Variants in NCOA7 observed in about 807,000 individuals in gnomAD.
The protein encoded by NCOA7 is nuclear receptor coactivator 7, also known as 140 kDa estrogen receptor-associated protein.
In NCOA7, 45 loss-of-function variants were observed where a neutral mutation model predicts 104.3. The observed-to-expected ratio is 0.43, with a 90% CI of 0.34 to 0.55. NCOA7 has a LOEUF of 0.55. Ranked by LOEUF, NCOA7 falls within the 20% of genes least tolerant of loss-of-function variation. The pLI, the probability that NCOA7 is intolerant of heterozygous loss-of-function variation, is 0.02. For missense variants in NCOA7, 1,041 were observed against 1,119.7 expected, an observed-to-expected ratio of 0.93 and a Z score of 1.00; for synonymous variants, 398 against 402.3, an observed-to-expected ratio of 0.99 and a Z score of 0.13.
In NCOA7 at chr6:125,901,959, A is replaced by G. The variant is rs192456232; in HGVS notation, c.2096+11149A>G. On this transcript the variant is annotated intron_variant, in intron 10 of 15. Coordinates refer to ENST00000392477, the MANE Select transcript of NCOA7 (RefSeq NM_181782.5). ...CCCGACCAAACTTCTCTCTGACTGT[A>G]TTCTCCAATGTCCAGCTGCCTCTTT... is the stretch of plus-strand genomic sequence containing the variant. Among the ~76,000 whole-genome samples, 445 of 152,248 alleles carry G rather than the reference A, an allele frequency of 2.9e-3. 3 individuals carry two copies. The highest frequency in any genetic ancestry group is 5.1e-3 in the Non-Finnish European group (349 of 68,018).
chr6:125,839,538 A>G (rs1583341232), intron 2 of NCOA7, among the ~76,000 whole-genome samples: 1 of 152,190 alleles, frequency 6.6e-6, no homozygotes, highest in South Asian at 2.1e-4. Context: ...GCTAGACCCC[A>G]TCTAGAAGCT....
chr6:125,816,261 A>G (rs1438373149), intron 2 of NCOA7, among the ~76,000 whole-genome samples: 1 of 152,204 alleles, frequency 6.6e-6, no homozygotes, highest in East Asian at 1.9e-4. Flanking sequence ...TTAGGTTGAT[A>G]ATGGGAAAAG....
At chr6:125,826,466 C>A (rs1778668923) in intron 2 of NCOA7, among the ~76,000 whole-genome samples, 1 of 151,740 alleles carries the variant, frequency 6.6e-6, no homozygotes, top group Admixed American at 6.6e-5. Context: ...CATAGGAAAA[C>A]CTTTCTGTGA....
intron 4 of NCOA7, among the ~76,000 whole-genome samples, chr6:125,876,461 T>A (rs1258802083): frequency 1.3e-5 from 2 of 152,176 alleles, no homozygotes; most frequent in African/African-American, 4.8e-5. Context: ...TTATTATTAA[T>A]AACAATATTA....
intron 10 of NCOA7, 32 bp from the exon 11 acceptor site, chr6:125,915,301 G>GT: frequency 6.2e-7 from 1 of 1,611,656 alleles, no homozygotes; most frequent in East Asian, 2.2e-5. Flanking sequence ...AGTGGACATG[G>GT]TGTTAACATC....
chr6:125,885,534 AC>A (rs1258245791), intron 8 of NCOA7, among the ~76,000 whole-genome samples, 191 bp downstream of exon 8: 2 of 152,200 alleles, frequency 1.3e-5, no homozygotes, highest in Non-Finnish European at 2.9e-5. Flanking sequence ...GAAAAGTTGA[AC>A]ATATAAAGAT....
At chr6:125,815,172 T>G (rs1260780760) in intron 1 of NCOA7, 119 bp from the exon 2 acceptor site, 2 of 417,952 alleles carry the variant, frequency 4.8e-6, no homozygotes, top group Admixed American at 4.5e-5. Flanking sequence ...TGTGACTGTT[T>G]CCTGGTTAAA....
intron 2 of NCOA7, among the ~76,000 whole-genome samples, chr6:125,839,227 C>T (rs576318230): frequency 1.7e-3 from 262 of 152,256 alleles, no homozygotes; most frequent in African/African-American, 6.0e-3. Flanking sequence ...AAGCAATTCT[C>T]CTGCCTCAGC....
In NCOA7 at chr6:125,928,713, T is replaced by C. The variant is rs756383726; in HGVS notation, c.2771T>C (p.Ile924Thr). ...SNSCSTFNNDILSKKEDFIVQ... is the reference protein window; with the variant it reads ...SNSCSTFNNDTLSKKEDFIVQ... Reference sequence around the variant, plus strand: ...TCTTGCAGCACTTTCAATAATGATATTCTTTCCAAAAAGGAAGACTTCATA... The same window carrying C: ...TCTTGCAGCACTTTCAATAATGATACTCTTTCCAAAAAGGAAGACTTCATA... The change falls in exon 16 of 16, where the codon ATT (isoleucine) becomes ACT (threonine). Residue 924 changes from isoleucine to threonine, a missense_variant. Coordinates refer to ENST00000392477, the MANE Select transcript of NCOA7 (RefSeq NM_181782.5). The C allele has an allele frequency of 1.1e-5, 17 of 1,613,766 alleles. No homozygotes were observed. Among genetic ancestry groups the C allele is most frequent in the Non-Finnish European group, 8.5e-7 (1 of 1,179,894 alleles).
At chr6:125,816,424 A>G (rs150594274) in intron 2 of NCOA7, among the ~76,000 whole-genome samples, 94 of 152,344 alleles carry the variant, frequency 6.2e-4, no homozygotes, top group African/African-American at 1.9e-3. Context: ...TTCATGCAGC[A>G]TAAGAGTCAG....
chr6:125,900,552 C>T (rs183575598), intron 10 of NCOA7, among the ~76,000 whole-genome samples: 1 of 152,104 alleles, frequency 6.6e-6, no homozygotes, highest in South Asian at 2.1e-4. Flanking sequence ...AGATGTTCAA[C>T]CTGATGATTT....
At chr6:125,885,444 T>G in intron 8 of NCOA7, 101 bp downstream of exon 8, 2 of 1,156,658 alleles carry the variant, frequency 1.7e-6, no homozygotes, top group South Asian at 1.7e-5. Context: ...TGTGTAGAGG[T>G]GATTTTGAAG....
chr6:125,787,323 A>G (rs1774518926), upstream of NCOA7, among the ~76,000 whole-genome samples: 5 of 152,336 alleles, frequency 3.3e-5, no homozygotes, highest in South Asian at 1.0e-3. Context: ...GTCTTTAGAT[A>G]GATAGGTAAG....
intron 10 of NCOA7, among the ~76,000 whole-genome samples, chr6:125,893,665 T>A (rs1262138224): frequency 6.6e-6 from 1 of 152,184 alleles, no homozygotes. Context: ...TCCGTTAATC[T>A]CCTTTGTTTT....
intron 8 of NCOA7, 107 bp from the exon 9 acceptor site, chr6:125,888,832 G>A (rs1784427590): frequency 5.9e-6 from 4 of 678,452 alleles, no homozygotes; most frequent in Admixed American, 5.3e-5. Flanking sequence ...ATATATTTAT[G>A]TATTGGTTTT....
At chr6:125,891,169 A>T (rs1315377538) in intron 10 of NCOA7, among the ~76,000 whole-genome samples, 5 of 152,220 alleles carry the variant, frequency 3.3e-5, no homozygotes, top group Non-Finnish European at 7.3e-5. Context: ...AAGTGCAAGA[A>T]AGAGGCAGGA....
At chr6:125,893,390 T>C (rs1784765082) in intron 10 of NCOA7, among the ~76,000 whole-genome samples, 1 of 152,264 alleles carries the variant, frequency 6.6e-6, no homozygotes, top group African/African-American at 2.4e-5. Context: ...TAAATTTCGA[T>C]GGTGAACTTC....
At chr6:125,824,941 C>T (rs1778532156) in intron 2 of NCOA7, among the ~76,000 whole-genome samples, 1 of 152,026 alleles carries the variant, frequency 6.6e-6, no homozygotes, top group African/African-American at 2.4e-5. Flanking sequence ...TAGGCAGAAG[C>T]AGGAGATTCG....
Position 125,890,761 on chromosome 6 carries a change from G to A in NCOA7, c.2047G>A (p.Gly683Ser), listed in dbSNP as rs376913669. 61 of 1,612,908 alleles carry A rather than the reference G, an allele frequency of 3.8e-5. 1 individual carries two copies. Among genetic ancestry groups the A allele is most frequent in the Middle Eastern group, 1.6e-4 (1 of 6,076 alleles). ...THTAAMVQQYGKRRKQPEYWF... is the reference protein window; with the variant it reads ...THTAAMVQQYSKRRKQPEYWF... ...CACTGCAGCCATGGTCCAGCAGTACGGCAAACGGAGAAAGCAGCCAGAGTA... is the reference window on the plus strand; with the variant it reads ...CACTGCAGCCATGGTCCAGCAGTACAGCAAACGGAGAAAGCAGCCAGAGTA... The change falls in exon 10 of 16, where the codon GGC becomes AGC. Residue 683 changes from glycine to serine, a missense_variant. Gly to Ser is a moderately conservative substitution (Grantham distance 56). This residue lies in a region of NCOA7 where 914 missense variants were observed against 942.7 expected (regional missense o/e 0.97). Transcript: ENST00000392477.
Sources: gnomAD v4.1 joint callset for allele counts (sites outside exome capture counted in the v4.1 genomes callset) on GRCh38, gnomAD v4.1.1 for gene constraint, gnomAD v4.1.1 regional missense constraint, MANE v1.5 for transcripts, NCBI Gene and HGNC (gene_info 2026-07-23, HGNC 2026-07-21) for gene names.